ANKRD22: variants seen among roughly 807,000 people sequenced by gnomAD.
ANKRD22 encodes the protein ankyrin repeat domain-containing protein 22.
Under a neutral mutation model 25.7 loss-of-function variants are expected in ANKRD22, and 24 were observed. The ratio of observed to expected loss-of-function variants is 0.93; its 90% CI spans 0.68 to 1.31. The LOEUF is 1.31. ANKRD22 is among the 50% of genes most tolerant of loss of function. The probability of loss-of-function intolerance (pLI) is 0.00; values close to 1 mark genes in which losing one functional copy is unlikely to be tolerated. For synonymous variants in ANKRD22, 84 were observed against 84.3 expected (o/e 1.00, Z 0.02); for missense variants, 214 against 227.1 (o/e 0.94, Z 0.37).
chr10:88,834,449 T>G (rs2133075160), intron 1 of ANKRD22, among the ~76,000 whole-genome samples: 1 of 152,324 alleles, frequency 6.6e-6, no homozygotes, highest in South Asian at 2.1e-4. Context: ...TAGTGAAAAT[T>G]TAATAATGGA....
intron 1 of ANKRD22, among the ~76,000 whole-genome samples, chr10:88,836,437 A>G (rs923031650): frequency 6.6e-6 from 1 of 152,204 alleles, no homozygotes; most frequent in South Asian, 2.1e-4. Flanking sequence ...TCCTCACAAC[A>G]ACCCTCTAAA....
chr10:88,825,510 G>T (rs1843847430), intron 4 of ANKRD22, among the ~76,000 whole-genome samples: 1 of 152,200 alleles, frequency 6.6e-6, no homozygotes, highest in South Asian at 2.1e-4. Context: ...TCATCAGTGG[G>T]TTGGGATTTT....
intron 1 of ANKRD22, 124 bp from the exon 2 acceptor site, chr10:88,832,150 G>T (rs115455948): frequency 0.033 from 35,910 of 1,079,678 alleles, 745 homozygotes; most frequent in Non-Finnish European, 0.039. Context: ...ATATTGCTTT[G>T]CAGGTGAGAT....
chr10:88,827,472 C>T (rs1048382739), intron 3 of ANKRD22, among the ~76,000 whole-genome samples: 1 of 152,094 alleles, frequency 6.6e-6, no homozygotes, highest in African/African-American at 2.4e-5. Flanking sequence ...TAATTTTTAC[C>T]TTTAGAATCT....
At chr10:88,832,122 A>G in intron 1 of ANKRD22, 96 bp from the exon 2 acceptor site, 4 of 1,303,884 alleles carry the variant, frequency 3.1e-6, no homozygotes, top group East Asian at 2.4e-5. Flanking sequence ...TAAAATTTAA[A>G]TGTTTTAAAA....
intron 1 of ANKRD22, among the ~76,000 whole-genome samples, chr10:88,840,225 A>T (rs1001185743): frequency 3.0e-4 from 45 of 152,180 alleles, no homozygotes; most frequent in African/African-American, 1.1e-3. Context: ...CCCAGGCACT[A>T]AAATTTAAGA....
At chr10:88,851,282 A>C (rs564119678) in intron 1 of ANKRD22, among the ~76,000 whole-genome samples, 1 of 152,268 alleles carries the variant, frequency 6.6e-6, no homozygotes, top group East Asian at 1.9e-4. Flanking sequence ...GTCATGAGAA[A>C]AGCACAACTC....
In ANKRD22 at chr10:88,830,545, T is replaced by C. The variant is rs1385851703; in HGVS notation, c.213+1290A>G. Among the ~76,000 whole-genome samples, 6 of 152,286 alleles carry C rather than the reference T, an allele frequency of 3.9e-5. No homozygotes were observed. The East Asian group carries it at 1.2e-3, about 29-fold the overall frequency. ...TACAAATATTAATATTTGGAGAAAA[T>C]AAAAATATTAAATGCTAACATTAGA... On this transcript the variant is annotated intron_variant, in intron 2 of 5. Coordinates refer to ENST00000371930, the MANE Select transcript of ANKRD22 (RefSeq NM_144590.3).
Position 88,823,827 on chromosome 10 carries a change from C to CAAAAAAAAAAAAAAAAAAA in ANKRD22, c.400-468_400-450dup, listed in dbSNP as rs56194758. ...TGGGCGACAGAGCGAGACTCCGTCT[C>CAAAAAAAAAAAAAAAAAAA]AAAAAAAAAAAAAAAAAAATTTCTT... On this transcript the variant is annotated intron_variant, in intron 4 of 5. Coordinates refer to ENST00000371930, the MANE Select transcript of ANKRD22 (RefSeq NM_144590.3). Among the ~76,000 whole-genome samples the CAAAAAAAAAAAAAAAAAAA allele has an allele frequency of 4.6e-4, 48 of 103,734 alleles. 2 individuals are homozygous for CAAAAAAAAAAAAAAAAAAA. The highest frequency in any genetic ancestry group is 1.8e-3 in the African/African-American group (42 of 23,250). The allele number at this position is 103,734 out of a possible 152,430, so 68.1% of individuals were successfully genotyped here.
rs888381502 is a variant in ANKRD22 at position 88,820,797 on chromosome 10, A to G, written c.*2144T>C. Among the ~76,000 whole-genome samples the G allele has an allele frequency of 6.6e-6, 1 of 152,166 alleles. No homozygotes were observed. The highest frequency in any genetic ancestry group is 1.5e-5 in the Non-Finnish European group (1 of 68,030). ...TCAGGTAAATCTCTTTAAAACACCT[A>G]TTGTTTTTTCTATAAGCCATATTTT... On this transcript the variant is annotated 3_prime_UTR_variant, in exon 6 of 6. Transcript: ENST00000371930.
intron 1 of ANKRD22, among the ~76,000 whole-genome samples, chr10:88,845,513 A>C (rs1288726728): frequency 1.3e-5 from 2 of 152,178 alleles, no homozygotes. Flanking sequence ...ACCATGTCCA[A>C]ATAGAACCCT....
intron 3 of ANKRD22, among the ~76,000 whole-genome samples, chr10:88,827,636 CT>C (rs1388403530): frequency 1.3e-5 from 2 of 152,154 alleles, no homozygotes; most frequent in Non-Finnish European, 2.9e-5. Context: ...TCTTTTCTCT[CT>C]CCTATAAATC....
intron 2 of ANKRD22, among the ~76,000 whole-genome samples, chr10:88,829,955 T>C (rs1037461807): frequency 6.6e-6 from 1 of 152,146 alleles, no homozygotes; most frequent in African/African-American, 2.4e-5. Flanking sequence ...TTTTTACTTA[T>C]TATTATTTTG....
chr10:88,823,515 G>A, intron 4 of ANKRD22, 137 bp from the exon 5 acceptor site: 1 of 698,460 alleles, frequency 1.4e-6, no homozygotes, highest in Non-Finnish European at 2.4e-6. Flanking sequence ...ACCATTGATA[G>A]ACAACTATTT....
chr10:88,836,695 C>G (rs1388016958), intron 1 of ANKRD22, among the ~76,000 whole-genome samples: 1 of 152,194 alleles, frequency 6.6e-6, no homozygotes, highest in African/African-American at 2.4e-5. Context: ...GGATATTGAT[C>G]TGTCCACTTG....
intron 2 of ANKRD22, among the ~76,000 whole-genome samples, chr10:88,830,694 G>A (rs1227753166): frequency 7.2e-5 from 11 of 152,176 alleles, no homozygotes; most frequent in African/African-American, 2.2e-4. Flanking sequence ...GGCTGGCTGA[G>A]GCCCTCCTCT....
At position 88,822,914 on chromosome 10, in the gene ANKRD22, G is replaced by A. The variant is rs2133068058; in HGVS notation, c.*27C>T. The A allele has an allele frequency of 6.4e-7, 1 of 1,566,314 alleles. No individual in the cohort carries two copies. Among genetic ancestry groups the A allele is most frequent in the East Asian group, 2.3e-5 (1 of 44,190 alleles). On this transcript the variant is annotated 3_prime_UTR_variant, in exon 6 of 6. Coordinates refer to ENST00000371930, the MANE Select transcript of ANKRD22 (RefSeq NM_144590.3). ...TAGAATCCAGTCGTTAACTTTTTCT[G>A]TATCTCCATCGGTGTGGTCACAAGG...
At chr10:88,849,077 A>G (rs1844080166) in intron 1 of ANKRD22, among the ~76,000 whole-genome samples, 1 of 151,806 alleles carries the variant, frequency 6.6e-6, no homozygotes, top group Non-Finnish European at 1.5e-5. Context: ...GAACTTCCCA[A>G]TGTTTAAAGG....
chr10:88,841,178 G>A (rs1228285201), intron 1 of ANKRD22, among the ~76,000 whole-genome samples: 1 of 152,048 alleles, frequency 6.6e-6, no homozygotes, highest in East Asian at 1.9e-4. Context: ...GAGGACCAGG[G>A]GAAAGCAGAA....
Sources: gnomAD v4.1 joint callset for allele counts (sites outside exome capture counted in the v4.1 genomes callset) on GRCh38, gnomAD v4.1.1 for gene constraint, MANE v1.5 for transcripts, NCBI Gene and HGNC (gene_info 2026-07-23, HGNC 2026-07-21) for gene names.